NBAS: variants seen among roughly 807,000 people sequenced by gnomAD.
NBAS encodes NAG/BC035112 fusion.
NBAS carries 219 observed loss-of-function variants against 302.5 expected under a neutral mutation model. The observed-to-expected ratio is 0.72, with a 90% CI of 0.65 to 0.81. NBAS has a LOEUF of 0.81. NBAS is among the 30% of genes least tolerant of loss of function. NBAS has a pLI of 0.00. For synonymous variants in NBAS, 1,118 were observed against 1,021.6 expected (o/e 1.09, Z -1.80); for missense variants, 2,932 against 2,841.6 (o/e 1.03, Z -0.72).
the NBAS span, among the ~76,000 whole-genome samples, chr2:15,025,661 C>A: frequency 6.6e-6 from 1 of 151,916 alleles, no homozygotes; most frequent in Non-Finnish European, 1.5e-5. Context: ...TGTAATTCTC[C>A]TTGTAAAGAT....
At chr2:14,888,826 T>A in the NBAS span, among the ~76,000 whole-genome samples, 18 of 152,100 alleles carry the variant, frequency 1.2e-4, no homozygotes, top group African/African-American at 4.3e-4. Context: ...AGAAAGCCAG[T>A]TTTAAGGTCA....
the NBAS span, among the ~76,000 whole-genome samples, chr2:14,906,596 G>A: frequency 1.3e-5 from 2 of 152,218 alleles, no homozygotes; most frequent in African/African-American, 4.8e-5. Flanking sequence ...TGGAATTCTG[G>A]AGTCCTGAAG....
chr2:15,032,996 T>C, the NBAS span, among the ~76,000 whole-genome samples: 2 of 152,170 alleles, frequency 1.3e-5, no homozygotes, highest in Non-Finnish European at 2.9e-5. Flanking sequence ...CCCAAAGCCA[T>C]GAGCTACCCA....
At chr2:15,523,236 T>G (rs1662762666) in intron 9 of NBAS, among the ~76,000 whole-genome samples, 1 of 152,198 alleles carries the variant, frequency 6.6e-6, no homozygotes, top group Non-Finnish European at 1.5e-5. Flanking sequence ...TTTACTATGA[T>G]ACGCAATTTC....
chr2:14,993,243 C>T, the NBAS span, among the ~76,000 whole-genome samples: 66,636 of 151,978 alleles, frequency 0.44, 16,140 homozygotes, highest in African/African-American at 0.65. Context: ...CTAGGGGAGG[C>T]TAAATTGACC....
At chr2:15,489,623 G>C (rs997013584) in intron 11 of NBAS, among the ~76,000 whole-genome samples, 3 of 152,184 alleles carry the variant, frequency 2.0e-5, no homozygotes, top group African/African-American at 7.2e-5. Flanking sequence ...TCCAGTTTAA[G>C]GAATGTGTTA....
intron 35 of NBAS, among the ~76,000 whole-genome samples, chr2:15,343,194 A>T (rs1191976370): frequency 6.6e-6 from 1 of 152,148 alleles, no homozygotes; most frequent in East Asian, 1.9e-4. Flanking sequence ...CAAGGCTGAA[A>T]GGAACTAGGA....
intron 44 of NBAS, among the ~76,000 whole-genome samples, chr2:15,251,886 G>C (rs1046092674): frequency 6.6e-6 from 1 of 152,154 alleles, no homozygotes; most frequent in African/African-American, 2.4e-5. Flanking sequence ...GTAAGTTTCA[G>C]CCTTATTTCA....
At chr2:15,260,764 C>T (rs1668812409) in intron 44 of NBAS, among the ~76,000 whole-genome samples, 1 of 152,100 alleles carries the variant, frequency 6.6e-6, no homozygotes, top group Non-Finnish European at 1.5e-5. Flanking sequence ...AACTTTTTTG[C>T]CCAAGACCAA....
chr2:14,957,968 C>T, the NBAS span, among the ~76,000 whole-genome samples: 1 of 152,320 alleles, frequency 6.6e-6, no homozygotes, highest in South Asian at 2.1e-4. Context: ...TGGGCTGATT[C>T]TGGATGATTC....
At chr2:14,995,655 T>C in the NBAS span, among the ~76,000 whole-genome samples, 8 of 152,222 alleles carry the variant, frequency 5.3e-5, no homozygotes, top group Admixed American at 5.2e-4. Context: ...GACTTGACAC[T>C]AGCCTGGACA....
intron 31 of NBAS, among the ~76,000 whole-genome samples, chr2:15,373,157 T>A (rs560655082): frequency 2.7e-4 from 41 of 152,238 alleles, no homozygotes; most frequent in Non-Finnish European, 2.9e-5. Flanking sequence ...TCTTCACAAT[T>A]TTAAGAAGTT....
chr2:14,984,169 C>CCCTCTG, the NBAS span, among the ~76,000 whole-genome samples: 1 of 152,150 alleles, frequency 6.6e-6, no homozygotes, highest in East Asian at 1.9e-4. Context: ...TCTGCCCAAG[C>CCCTCTG]CCCACGATGT....
the NBAS span, among the ~76,000 whole-genome samples, chr2:15,095,024 A>G: frequency 6.6e-6 from 1 of 152,214 alleles, no homozygotes; most frequent in Non-Finnish European, 1.5e-5. Context: ...ATAGTAAAAT[A>G]TAATCTTCTC....
chr2:15,256,216 T>C (rs1229072017), intron 44 of NBAS, among the ~76,000 whole-genome samples: 1 of 152,310 alleles, frequency 6.6e-6, no homozygotes, highest in East Asian at 1.9e-4. Flanking sequence ...GTTTCTGTCA[T>C]TTATGATTTC....
chr2:14,989,974 TAAAGC>T, the NBAS span, among the ~76,000 whole-genome samples: 1 of 152,186 alleles, frequency 6.6e-6, no homozygotes, highest in African/African-American at 2.4e-5. Flanking sequence ...ACTGTGTGCA[TAAAGC>T]AAAGAAATAT....
At chr2:15,330,913 A>G (rs1474610597) in intron 35 of NBAS, 148 bp from the exon 36 acceptor site, 3 of 819,582 alleles carry the variant, frequency 3.7e-6, no homozygotes, top group Non-Finnish European at 5.6e-6. Flanking sequence ...TTGTAACAAA[A>G]TAAATGTTAA....
At chr2:15,049,880 G>A in the NBAS span, among the ~76,000 whole-genome samples, 1 of 152,206 alleles carries the variant, frequency 6.6e-6, no homozygotes, top group Admixed American at 6.5e-5. Context: ...GACAGAGGCA[G>A]ACAAAAGCTG....
At chr2:14,988,912 G>A in the NBAS span, among the ~76,000 whole-genome samples, 1 of 152,092 alleles carries the variant, frequency 6.6e-6, no homozygotes, top group South Asian at 2.1e-4. Context: ...ATAAAGTGAG[G>A]TTAGAAGTAA....
Sources: gnomAD v4.1 joint callset for allele counts (sites outside exome capture counted in the v4.1 genomes callset) on GRCh38, gnomAD v4.1.1 for gene constraint, MANE v1.5 for transcripts, NCBI Gene and HGNC (gene_info 2026-07-23, HGNC 2026-07-21) for gene names.